The following TMCC1 variants were observed in gnomAD, a reference collection of about 807,000 sequenced individuals.
TMCC1 encodes transmembrane and coiled-coil domain family 1.
Under a neutral mutation model 52.4 loss-of-function variants are expected in TMCC1, and 15 were observed. The ratio of observed to expected loss-of-function variants is 0.29; its 90% CI spans 0.19 to 0.44. TMCC1 has a LOEUF of 0.44. TMCC1 is among the 20% of genes least tolerant of loss of function. The pLI, the probability that TMCC1 is intolerant of heterozygous loss-of-function variation, is 1.00. For missense variants in TMCC1, 503 were observed against 806.0 expected (o/e 0.62, Z 4.55); for synonymous variants, 279 against 301.9 (o/e 0.92, Z 0.79).
At chr3:129,729,037 G>A (rs189677225) in intron 4 of TMCC1, among the ~76,000 whole-genome samples, 1 of 152,146 alleles carries the variant, frequency 6.6e-6, no homozygotes, top group East Asian at 1.9e-4. Context: ...TCAGTGTAGA[G>A]GATTTCATAG....
chr3:129,820,079 ACTAT>A (rs1280872217), intron 4 of TMCC1, among the ~76,000 whole-genome samples: 1 of 148,460 alleles, frequency 6.7e-6, no homozygotes, highest in African/African-American at 2.5e-5. Context: ...TTCTCCTTGA[ACTAT>A]CTATTTCAGG....
chr3:129,776,910 T>C (rs771876159), intron 4 of TMCC1, among the ~76,000 whole-genome samples: 1 of 152,184 alleles, frequency 6.6e-6, no homozygotes, highest in Admixed American at 6.5e-5. Context: ...GTTGGGACTA[T>C]AGGCATAAGC....
intron 2 of TMCC1, among the ~76,000 whole-genome samples, chr3:129,836,661 C>T (rs2059174105): frequency 6.6e-6 from 1 of 152,154 alleles, no homozygotes; most frequent in Non-Finnish European, 1.5e-5. Context: ...TGTCTCTGAC[C>T]AAAGGAAACA....
chr3:129,829,063 T>C (rs1302067085), intron 3 of TMCC1, among the ~76,000 whole-genome samples: 1 of 152,230 alleles, frequency 6.6e-6, no homozygotes, highest in Non-Finnish European at 1.5e-5. Flanking sequence ...CACTGGTAAC[T>C]AGAGATGACA....
At chr3:129,684,180 T>C (rs1179960517) in intron 4 of TMCC1, among the ~76,000 whole-genome samples, 1 of 152,184 alleles carries the variant, frequency 6.6e-6, no homozygotes, top group Non-Finnish European at 1.5e-5. Flanking sequence ...TAAATAGAGG[T>C]ATCTGTAACT....
chr3:129,701,790 T>C (rs1343315097), intron 4 of TMCC1, among the ~76,000 whole-genome samples: 1 of 152,118 alleles, frequency 6.6e-6, no homozygotes, highest in Non-Finnish European at 1.5e-5. Flanking sequence ...GACTCAAAGG[T>C]GCTGCAGAGA....
At chr3:129,872,710 G>A (rs780938291) in intron 2 of TMCC1, among the ~76,000 whole-genome samples, 1 of 152,060 alleles carries the variant, frequency 6.6e-6, no homozygotes, top group Non-Finnish European at 1.5e-5. Context: ...GGAAAATAAA[G>A]GTGAGGGGAA....
chr3:129,792,248 A>G (rs561937694), intron 4 of TMCC1, among the ~76,000 whole-genome samples: 7 of 151,882 alleles, frequency 4.6e-5, no homozygotes, highest in Non-Finnish European at 1.0e-4. Context: ...TGAGTGTTCA[A>G]TATGTGCCAG....
intron 4 of TMCC1, among the ~76,000 whole-genome samples, chr3:129,824,391 A>G (rs2058565256): frequency 6.6e-6 from 1 of 152,158 alleles, no homozygotes; most frequent in African/African-American, 2.4e-5. Context: ...CATCCCTATG[A>G]TATTACACTT....
At chr3:129,736,010 A>C (rs1473880845) in intron 4 of TMCC1, among the ~76,000 whole-genome samples, 1 of 152,238 alleles carries the variant, frequency 6.6e-6, no homozygotes, top group Non-Finnish European at 1.5e-5. Flanking sequence ...GTAGACCTTA[A>C]GTAATGTACT....
intron 2 of TMCC1, among the ~76,000 whole-genome samples, chr3:129,865,290 G>A (rs1371826445): frequency 6.6e-6 from 1 of 151,816 alleles, no homozygotes; most frequent in African/African-American, 2.4e-5. Context: ...GCTCCCACTG[G>A]AAGTACAGGT....
chr3:129,759,710 CTTTTTTTTTTTTT>C (rs61519484), intron 4 of TMCC1, among the ~76,000 whole-genome samples: 2 of 37,220 alleles, frequency 5.4e-5, no homozygotes, highest in East Asian at 9.1e-4. Flanking sequence ...GCCAGCCAAA[CTTTTTTTTTTTTT>C]TTTTTTTTTT....
chr3:129,692,486 G>A (rs566663440), intron 4 of TMCC1, among the ~76,000 whole-genome samples: 1 of 152,156 alleles, frequency 6.6e-6, no homozygotes, highest in Non-Finnish European at 1.5e-5. Context: ...TTTTGTATAT[G>A]CTATTAGAGT....
At chr3:129,718,866 G>T (rs1205988782) in intron 4 of TMCC1, among the ~76,000 whole-genome samples, 1 of 151,960 alleles carries the variant, frequency 6.6e-6, no homozygotes, top group Non-Finnish European at 1.5e-5. Flanking sequence ...TATTGATAAG[G>T]CTCTGGTCAG....
chr3:129,872,960 C>A (rs962784624), intron 2 of TMCC1, among the ~76,000 whole-genome samples: 1 of 151,030 alleles, frequency 6.6e-6, no homozygotes, highest in African/African-American at 2.4e-5. Context: ...CTCTGTTGCC[C>A]AGGCAGGAGT....
At chr3:129,733,739 T>C (rs1243730488) in intron 4 of TMCC1, among the ~76,000 whole-genome samples, 1 of 152,204 alleles carries the variant, frequency 6.6e-6, no homozygotes, top group Admixed American at 6.5e-5. Flanking sequence ...CAGAATAGCC[T>C]ACCAACCTGT....
chr3:129,863,069 C>T (rs554058128), intron 2 of TMCC1, among the ~76,000 whole-genome samples: 48 of 152,220 alleles, frequency 3.2e-4, no homozygotes, highest in African/African-American at 1.1e-3. Context: ...ATAAAGCACT[C>T]AAAGTGTTCA....
At chr3:129,873,234 T>C (rs1200826160) in intron 2 of TMCC1, among the ~76,000 whole-genome samples, 2 of 151,860 alleles carry the variant, frequency 1.3e-5, no homozygotes, top group African/African-American at 2.4e-5. Context: ...TTAATTCTAG[T>C]GGAAATGACA....
intron 2 of TMCC1, among the ~76,000 whole-genome samples, chr3:129,875,104 G>A (rs762836416): frequency 4.6e-5 from 7 of 151,628 alleles, no homozygotes; most frequent in African/African-American, 9.7e-5. Flanking sequence ...ATCTGTAGTC[G>A]CAGCTACTCA....
Sources: gnomAD v4.1 joint callset for allele counts (sites outside exome capture counted in the v4.1 genomes callset) on GRCh38, gnomAD v4.1.1 for gene constraint, MANE v1.5 for transcripts, NCBI Gene and HGNC (gene_info 2026-07-23, HGNC 2026-07-21) for gene names.